The following AGBL1 variants were observed in gnomAD, a reference collection of about 807,000 sequenced individuals.
AGBL1 encodes AGBL carboxypeptidase 1.
In AGBL1, 130 loss-of-function variants were observed where a neutral mutation model predicts 118.9. That is an observed-to-expected ratio of 1.09 (90% CI 0.95 to 1.26). The LOEUF (loss-of-function observed/expected upper bound fraction) is 1.26. AGBL1 is among the 50% of genes most tolerant of loss of function. The pLI, the probability that AGBL1 is intolerant of heterozygous loss-of-function variation, is 0.00. For synonymous variants in AGBL1, 555 were observed against 478.9 expected, an observed-to-expected ratio of 1.16 and a Z score of -2.08; for missense variants, 1,584 against 1,298.1, an observed-to-expected ratio of 1.22 and a Z score of -3.38.
chr15:86,225,032 T>TA, intron 6 of AGBL1, 81 bp downstream of exon 6: 206 of 1,326,184 alleles, frequency 1.6e-4, no homozygotes, highest in Non-Finnish European at 2.0e-4. Context: ...CATGGCTGTT[T>TA]CTTTTTTTTT....
intron 1 of AGBL1, chr15:86,140,045 G>C: frequency 5.4e-6 from 1 of 186,914 alleles, no homozygotes; most frequent in Admixed American, 5.1e-5. Context: ...GTAGCACTGG[G>C]TGACAGCGCC....
intron 21 of AGBL1, among the ~76,000 whole-genome samples, chr15:86,589,480 G>A (rs544634965): frequency 6.6e-6 from 1 of 152,234 alleles, no homozygotes; most frequent in African/African-American, 2.4e-5. Context: ...AATAAGATTC[G>A]ATATGCATGC....
intron 22 of AGBL1, among the ~76,000 whole-genome samples, chr15:86,857,027 T>G (rs2079492965): frequency 6.6e-6 from 1 of 152,144 alleles, no homozygotes; most frequent in East Asian, 1.9e-4. Context: ...CACCAGCCAC[T>G]TAGCTGCACA....
chr15:86,425,118 T>C (rs2081850398), intron 18 of AGBL1, among the ~76,000 whole-genome samples: 1 of 152,146 alleles, frequency 6.6e-6, no homozygotes, highest in Non-Finnish European at 1.5e-5. Flanking sequence ...CTATTCACAA[T>C]AGCAAACACT....
chr15:86,782,572 T>C (rs2078350317), intron 22 of AGBL1, among the ~76,000 whole-genome samples: 1 of 152,270 alleles, frequency 6.6e-6, no homozygotes, highest in Middle Eastern at 3.4e-3. Flanking sequence ...GACTGGTGGT[T>C]AGACACAAAA....
At chr15:86,637,163 C>T (rs1475974591) in intron 21 of AGBL1, among the ~76,000 whole-genome samples, 1 of 151,954 alleles carries the variant, frequency 6.6e-6, no homozygotes, top group Non-Finnish European at 1.5e-5. Flanking sequence ...GAGGAAGATG[C>T]ACATTACACA....
chr15:86,518,152 A>G (rs1240989281), intron 18 of AGBL1, among the ~76,000 whole-genome samples: 1 of 151,736 alleles, frequency 6.6e-6, no homozygotes, highest in East Asian at 1.9e-4. Context: ...TTGTATTGGG[A>G]CGGCAGCCCT....
At position 86,181,278 on chromosome 15, in the gene AGBL1, A is replaced by G. The variant is rs769262580; in HGVS notation, c.488+22252A>G. Among the ~76,000 whole-genome samples, 3 of 152,132 alleles carry G rather than the reference A, an allele frequency of 2.0e-5. 1 individual carries two copies. The highest frequency in any genetic ancestry group is 4.4e-5 in the Non-Finnish European group (3 of 67,938). On this transcript the variant is annotated intron_variant, in intron 5 of 22. Coordinates refer to ENST00000614907, the MANE Select transcript of AGBL1 (RefSeq NM_001386094.1). Reference sequence around the variant, plus strand: ...AAAGCTGGAAACAATCCTTACATGTATCAAGTGGTGAATAAACTGTAATGT... The same window carrying G: ...AAAGCTGGAAACAATCCTTACATGTGTCAAGTGGTGAATAAACTGTAATGT...
At chr15:86,331,030 G>A (rs749753337) in intron 17 of AGBL1, among the ~76,000 whole-genome samples, 1 of 151,886 alleles carries the variant, frequency 6.6e-6, no homozygotes, top group Non-Finnish European at 1.5e-5. Context: ...TCGAGACCAG[G>A]CTGACCAACA....
At chr15:86,223,812 T>C (rs1363484636) in intron 5 of AGBL1, among the ~76,000 whole-genome samples, 1 of 152,218 alleles carries the variant, frequency 6.6e-6, no homozygotes, top group African/African-American at 2.4e-5. Context: ...TTTTACTTTA[T>C]ATTTATTCTT....
downstream of AGBL1, among the ~76,000 whole-genome samples, chr15:86,920,394 T>A (rs2080471734): frequency 1.3e-5 from 2 of 152,174 alleles, no homozygotes; most frequent in Non-Finnish European, 1.5e-5. Flanking sequence ...TCTCTTCTTT[T>A]AATAGGCTAG....
At chr15:86,995,278 C>G (rs1353461792) in intron 24 of AGBL1, among the ~76,000 whole-genome samples, 1 of 152,062 alleles carries the variant, frequency 6.6e-6, no homozygotes. Context: ...TCCCAACTAT[C>G]AGGAGGCTGA....
At chr15:86,383,247 TAAAAA>T (rs4035838) in intron 17 of AGBL1, among the ~76,000 whole-genome samples, 6 of 54,476 alleles carry the variant, frequency 1.1e-4, no homozygotes, top group African/African-American at 1.6e-4. Flanking sequence ...ATTCAGTATG[TAAAAA>T]AAAAAAAAAA....
At chr15:86,774,484 A>G (rs2078225187) in intron 22 of AGBL1, among the ~76,000 whole-genome samples, 1 of 152,108 alleles carries the variant, frequency 6.6e-6, no homozygotes, top group Non-Finnish European at 1.5e-5. Flanking sequence ...TGGGGGCACA[A>G]TATTGAATGA....
chr15:87,020,765 A>G (rs2081656440), intron 24 of AGBL1, among the ~76,000 whole-genome samples: 1 of 152,160 alleles, frequency 6.6e-6, no homozygotes, highest in South Asian at 2.1e-4. Flanking sequence ...CAAAAAGGAT[A>G]AAATACTGAG....
chr15:86,301,063 C>T (rs763196823), intron 17 of AGBL1, among the ~76,000 whole-genome samples: 41 of 152,286 alleles, frequency 2.7e-4, no homozygotes, highest in Non-Finnish European at 5.9e-4. Context: ...TCTAAGCCTC[C>T]TGATCAGGTG....
intron 21 of AGBL1, among the ~76,000 whole-genome samples, chr15:86,673,839 T>C (rs995404301): frequency 9.9e-5 from 15 of 152,186 alleles, no homozygotes; most frequent in African/African-American, 3.1e-4. Context: ...TTCCCCTACT[T>C]TTCTCCATTG....
At chr15:86,154,821 C>T (rs1431853328) in intron 4 of AGBL1, among the ~76,000 whole-genome samples, 2 of 152,120 alleles carry the variant, frequency 1.3e-5, no homozygotes, top group Admixed American at 6.6e-5. Flanking sequence ...GGCAGTTACA[C>T]ATTACAGCAT....
At chr15:86,570,060 G>T (rs1470065263) in intron 21 of AGBL1, among the ~76,000 whole-genome samples, 3 of 152,196 alleles carry the variant, frequency 2.0e-5, no homozygotes, top group South Asian at 2.1e-4. Flanking sequence ...TATTTATCTT[G>T]TCGTGTAGGG....
Sources: allele counts gnomAD v4.1 joint callset (sites outside exome capture counted in the v4.1 genomes callset), GRCh38; gene constraint gnomAD v4.1.1; transcripts MANE v1.5; gene names NCBI Gene and HGNC (gene_info 2026-07-23, HGNC 2026-07-21).